Variants in DOCK2 observed in about 807,000 individuals in gnomAD.
DOCK2 encodes the protein dedicator of cytokinesis 2, also known as dedicator of cytokinesis protein 2.
DOCK2 carries 87 observed loss-of-function variants against 248.9 expected under a neutral mutation model. The observed-to-expected ratio is 0.35, with a 90% CI of 0.29 to 0.42. The LOEUF (loss-of-function observed/expected upper bound fraction) is 0.42, where lower values mean the gene tolerates loss of function less well. Ranked by LOEUF, DOCK2 falls within the 10% of genes least tolerant of loss-of-function variation. The pLI is 1.00. For missense variants in DOCK2, 1,747 were observed against 2,300.2 expected, an observed-to-expected ratio of 0.76 and a Z score of 4.92; for synonymous variants, 805 against 821.6, an observed-to-expected ratio of 0.98 and a Z score of 0.35.
intron 22 of DOCK2, among the ~76,000 whole-genome samples, chr5:169,721,479 A>G (rs985632470): frequency 1.3e-5 from 2 of 152,232 alleles, no homozygotes; most frequent in Admixed American, 1.3e-4. Flanking sequence ...GTATTTCTCC[A>G]TACGAGGGGG....
At chr5:169,893,709 A>T (rs1243747236) in intron 27 of DOCK2, among the ~76,000 whole-genome samples, 2 of 152,210 alleles carry the variant, frequency 1.3e-5, no homozygotes, top group African/African-American at 4.8e-5. Context: ...AAAAAACAAC[A>T]GGAAGCCAGA....
At chr5:169,936,093 G>C (rs1319296649) in intron 27 of DOCK2, among the ~76,000 whole-genome samples, 1 of 152,096 alleles carries the variant, frequency 6.6e-6, no homozygotes, top group Non-Finnish European at 1.5e-5. Flanking sequence ...AAACAAAATC[G>C]TTCCCCACTT....
At chr5:169,725,615 A>C (rs371533990) in intron 22 of DOCK2, among the ~76,000 whole-genome samples, 1 of 152,138 alleles carries the variant, frequency 6.6e-6, no homozygotes. Flanking sequence ...CCATCAGCTC[A>C]TCATTTACAT....
intron 21 of DOCK2, among the ~76,000 whole-genome samples, chr5:169,718,441 C>A (rs1425089332): frequency 6.6e-6 from 1 of 151,954 alleles, no homozygotes. Context: ...TCCTCCCTAT[C>A]TTTTTCTTTG....
At chr5:170,037,502 T>TTA (rs386405652) in intron 36 of DOCK2, among the ~76,000 whole-genome samples, 1 of 143,462 alleles carries the variant, frequency 7.0e-6, no homozygotes, top group Non-Finnish European at 1.5e-5. Context: ...TTTTTTTTTT[T>TTA]AAAGACAGAG....
At chr5:169,819,207 C>T (rs1446871045) in intron 26 of DOCK2, among the ~76,000 whole-genome samples, 5 of 152,126 alleles carry the variant, frequency 3.3e-5, no homozygotes, top group Admixed American at 6.5e-5. Context: ...CTACTCAGGA[C>T]GTTGAGGAAG....
chr5:169,789,153 C>A (rs1036589688), intron 25 of DOCK2, among the ~76,000 whole-genome samples: 5 of 152,166 alleles, frequency 3.3e-5, no homozygotes, highest in African/African-American at 4.8e-5. Flanking sequence ...CCATCCATGT[C>A]CCTGTCTCCA....
chr5:169,995,325 G>T (rs773005088), intron 29 of DOCK2, among the ~76,000 whole-genome samples: 1 of 152,130 alleles, frequency 6.6e-6, no homozygotes, highest in Non-Finnish European at 1.5e-5. Flanking sequence ...CACTGCACCC[G>T]GCCCATTTGA....
intron 47 of DOCK2, 117 bp from the exon 48 acceptor site, chr5:170,077,593 G>A (rs1170379201): frequency 1.4e-6 from 2 of 1,456,664 alleles, no homozygotes. Flanking sequence ...CTTTTGTGCT[G>A]ATGCTCCACT....
intron 22 of DOCK2, among the ~76,000 whole-genome samples, chr5:169,723,490 G>T (rs1270531516): frequency 6.6e-6 from 1 of 152,158 alleles, no homozygotes; most frequent in African/African-American, 2.4e-5. Context: ...CACATAGCCA[G>T]TATACATGGT....
intron 26 of DOCK2, among the ~76,000 whole-genome samples, chr5:169,830,207 T>C (rs1293578715): frequency 6.6e-6 from 1 of 152,248 alleles, no homozygotes; most frequent in Non-Finnish European, 1.5e-5. Context: ...ATTTGTAACA[T>C]GGGAAGAACC....
intron 44 of DOCK2, among the ~76,000 whole-genome samples, chr5:170,058,653 GGTGA>G (rs1224588865): frequency 6.6e-6 from 1 of 152,072 alleles, no homozygotes; most frequent in African/African-American, 2.4e-5. Context: ...AACAAGTGAG[GGTGA>G]GTAACAGTCA....
chr5:170,019,167 T>C (rs1018190883), intron 33 of DOCK2, 59 bp downstream of exon 33: 1 of 1,610,260 alleles, frequency 6.2e-7, no homozygotes, highest in Non-Finnish European at 8.5e-7. Context: ...CATTTCCCCA[T>C]AATGATATCC....
At chr5:169,896,490 A>G (rs1409912085) in intron 27 of DOCK2, among the ~76,000 whole-genome samples, 3 of 152,186 alleles carry the variant, frequency 2.0e-5, no homozygotes, top group African/African-American at 7.2e-5. Context: ...TGTGGCTAAT[A>G]ATATTACTTA....
At chr5:169,753,353 C>T (rs896697647) in intron 23 of DOCK2, among the ~76,000 whole-genome samples, 1 of 151,202 alleles carries the variant, frequency 6.6e-6, no homozygotes, top group African/African-American at 2.5e-5. Flanking sequence ...TCTCCCTGCC[C>T]TCACCCCCCC....
chr5:169,918,293 G>A (rs1333942473), intron 27 of DOCK2, among the ~76,000 whole-genome samples: 5 of 152,198 alleles, frequency 3.3e-5, no homozygotes, highest in African/African-American at 1.2e-4. Context: ...AAAATGTTGT[G>A]GTTTGAGTAA....
chr5:169,943,490 C>T (rs763234367), intron 27 of DOCK2, among the ~76,000 whole-genome samples: 43 of 152,186 alleles, frequency 2.8e-4, no homozygotes, highest in Non-Finnish European at 4.0e-4. Flanking sequence ...TTTAGGGCCT[C>T]TCTTGAGAAA....
At chr5:169,728,998 G>A (rs10040131) in intron 22 of DOCK2, among the ~76,000 whole-genome samples, 6,233 of 152,200 alleles carry the variant, frequency 0.041, 439 homozygotes, top group African/African-American at 0.14. Context: ...ACTCATTATT[G>A]GAAATCTGGG....
At chr5:169,981,764 G>C (rs967834624) in intron 27 of DOCK2, among the ~76,000 whole-genome samples, 24 of 152,194 alleles carry the variant, frequency 1.6e-4, no homozygotes, top group African/African-American at 5.3e-4. Flanking sequence ...ATGATCATTA[G>C]AGTTTTTTAG....
Sources: allele counts gnomAD v4.1 joint callset (sites outside exome capture counted in the v4.1 genomes callset), GRCh38; gene constraint gnomAD v4.1.1; transcripts MANE v1.5; gene names NCBI Gene and HGNC (gene_info 2026-07-23, HGNC 2026-07-21).